Variants in ECPAS observed in about 807,000 individuals in gnomAD.
ECPAS encodes the protein proteasome adapter and scaffold protein ECM29.
A neutral mutation model predicts 255.1 loss-of-function variants in ECPAS; 70 were observed. That is an observed-to-expected ratio of 0.27 (90% CI 0.23 to 0.33). The LOEUF (loss-of-function observed/expected upper bound fraction) is 0.33. ECPAS is among the 10% of genes least tolerant of loss of function. ECPAS has a pLI of 1.00. For synonymous variants in ECPAS, 784 were observed against 775.0 expected (o/e 1.01, Z -0.19); for missense variants, 1,817 against 2,206.4 (o/e 0.82, Z 3.54).
At chr9:111,439,822 C>T (rs192970565) in intron 6 of ECPAS, among the ~76,000 whole-genome samples, 9 of 151,542 alleles carry the variant, frequency 5.9e-5, no homozygotes, top group Admixed American at 2.6e-4. Context: ...GAAGTGGAGC[C>T]GCTGGGAAAG....
intron 42 of ECPAS, among the ~76,000 whole-genome samples, chr9:111,372,074 G>A (rs542212434): frequency 2.3e-4 from 35 of 152,186 alleles, no homozygotes; most frequent in African/African-American, 7.9e-4. Context: ...ATTAATATGC[G>A]ACAAGGTGAA....
intron 28 of ECPAS, 53 bp downstream of exon 28, chr9:111,392,713 ATG>A: frequency 8.6e-7 from 1 of 1,164,244 alleles, no homozygotes; most frequent in Non-Finnish European, 1.3e-6. Flanking sequence ...TCTTCTCACT[ATG>A]TGTAGAGACT....
At position 111,375,185 on chromosome 9, in the gene ECPAS, A is replaced by G; in HGVS notation, c.4038T>C (p.Asp1346=). Residue 1346 remains aspartate, a synonymous_variant, in exon 38 of 50, where the codon GAT becomes GAC. Coordinates refer to ENST00000684092, the MANE Select transcript of ECPAS (RefSeq NM_001364929.1). ...ETINMCLQYL[D]VSVLGELVPR... Reference sequence around the variant, plus strand: ...GAACTAGCTCGCCCAGCACTGACACATCAAGGTATTGCAGGCACTTTTGAA... The same window carrying G: ...GAACTAGCTCGCCCAGCACTGACACGTCAAGGTATTGCAGGCACTTTTGAA... 6.2e-7 allele frequency: 1 copy of G among 1,613,694 alleles called. No individual in the cohort carries two copies. Among genetic ancestry groups the G allele is most frequent in the Middle Eastern group, 1.7e-4 (1 of 6,060 alleles).
chr9:111,398,963 A>G (rs1440361916), intron 24 of ECPAS, among the ~76,000 whole-genome samples: 2 of 152,152 alleles, frequency 1.3e-5, no homozygotes, highest in Non-Finnish European at 2.9e-5. Flanking sequence ...AATGAGACCT[A>G]CTACTCTTTG....
At chr9:111,446,636 C>T (rs989866878) in intron 3 of ECPAS, among the ~76,000 whole-genome samples, 1 of 152,112 alleles carries the variant, frequency 6.6e-6, no homozygotes, top group Non-Finnish European at 1.5e-5. Context: ...ATATTTATCA[C>T]AGTTTCTATG....
chr9:111,409,925 A>C lies in ECPAS; in HGVS notation c.2550+116T>G. On this transcript the variant is annotated intron_variant, in intron 23 of 49. Transcript: ENST00000684092. ...ACTTGCTTCTTTATCACCCATTTTTACATTAAATCCTTCCTCCAGCTGTAA... is the reference window on the plus strand; with the variant it reads ...ACTTGCTTCTTTATCACCCATTTTTCCATTAAATCCTTCCTCCAGCTGTAA... The C allele has an allele frequency of 5.2e-6, 4 of 772,322 alleles. No individual in the cohort carries two copies. The South Asian group carries it at 7.7e-5, about 15-fold the overall frequency. The allele number at this position is 772,322 out of a possible 1,614,324, so 47.8% of individuals were successfully genotyped here.
intron 2 of ECPAS, among the ~76,000 whole-genome samples, chr9:111,469,795 C>A (rs2098284576): frequency 6.6e-6 from 1 of 150,782 alleles, no homozygotes; most frequent in African/African-American, 2.4e-5. Flanking sequence ...AGTGACAGAG[C>A]GAGACTCTGT....
intron 7 of ECPAS, 104 bp from the exon 8 acceptor site, chr9:111,433,476 C>T (rs1478418870): frequency 8.2e-6 from 9 of 1,101,752 alleles, no homozygotes; most frequent in Non-Finnish European, 1.1e-5. Flanking sequence ...CAAAGATGAG[C>T]AGTAACAACA....
intron 44 of ECPAS, 42 bp from the exon 45 acceptor site, chr9:111,370,669 G>A: frequency 1.2e-6 from 2 of 1,605,056 alleles, no homozygotes; most frequent in Non-Finnish European, 1.7e-6. Flanking sequence ...AATAAAGGCT[G>A]CAGTTTTCGG....
intron 46 of ECPAS, among the ~76,000 whole-genome samples, chr9:111,368,294 A>C (rs2098123128): frequency 6.6e-6 from 1 of 152,182 alleles, no homozygotes; most frequent in Admixed American, 6.5e-5. Flanking sequence ...AATTGTCCAA[A>C]TAGTAATGAG....
At chr9:111,426,912 G>A (rs2098222530) in intron 10 of ECPAS, among the ~76,000 whole-genome samples, 1 of 152,154 alleles carries the variant, frequency 6.6e-6, no homozygotes, top group Non-Finnish European at 1.5e-5. Context: ...AGAGGCTGCA[G>A]TAAGCCTAGA....
intron 4 of ECPAS, among the ~76,000 whole-genome samples, chr9:111,443,780 G>A (rs1311392678): frequency 6.6e-6 from 1 of 152,074 alleles, no homozygotes; most frequent in African/African-American, 2.4e-5. Context: ...TTCTGCCTCA[G>A]TGCTAGGAAC....
At chr9:111,472,286 T>C (rs1332676399) in intron 2 of ECPAS, among the ~76,000 whole-genome samples, 3 of 152,076 alleles carry the variant, frequency 2.0e-5, no homozygotes, top group African/African-American at 4.8e-5. Flanking sequence ...AAAACCTCCA[T>C]GATGGCATTC....
chr9:111,457,502 G>A (rs1158107383), intron 2 of ECPAS, among the ~76,000 whole-genome samples: 1 of 152,142 alleles, frequency 6.6e-6, no homozygotes, highest in Admixed American at 6.5e-5. Context: ...GTAACAGGAG[G>A]GAAACAGGAA....
rs1472790651 is a variant in ECPAS, at chr9:111,484,266, C to T, written c.-233G>A. On this transcript the variant is annotated 5_prime_UTR_variant, in exon 1 of 50. Coordinates refer to ENST00000684092, the MANE Select transcript of ECPAS (RefSeq NM_001364929.1). ...GCCGAGCGGGCCCGGGCTGCCCTAG[C>T]GGCCGGGGGAAATCCTCGAGGCGGG... is the stretch of plus-strand genomic sequence containing the variant. 1.3e-6 allele frequency: 2 copies of T among 1,506,648 alleles called. No homozygotes were observed. Among genetic ancestry groups the T allele is most frequent in the Non-Finnish European group, 8.8e-7 (1 of 1,131,958 alleles). The allele number at this position is 1,506,648 out of a possible 1,614,324, so 93.3% of individuals were successfully genotyped here. A position where few individuals can be genotyped will look rare whatever the true frequency, so the allele number is the denominator to read the frequency against.
At chr9:111,473,474 T>G (rs2098292003) in intron 1 of ECPAS, among the ~76,000 whole-genome samples, 1 of 152,128 alleles carries the variant, frequency 6.6e-6, no homozygotes, top group Admixed American at 6.5e-5. Flanking sequence ...TTAGCACTCT[T>G]CATCTCCTTT....
At chr9:111,483,033 T>G (rs2098308805) in intron 1 of ECPAS, among the ~76,000 whole-genome samples, 1 of 152,222 alleles carries the variant, frequency 6.6e-6, no homozygotes, top group Admixed American at 6.5e-5. Context: ...TTCGTGACCT[T>G]TCGGCTGATT....
rs2098186667 is a variant in ECPAS, at chr9:111,407,438, AC to A, written c.2652+1132del. On this transcript the variant is annotated intron_variant, in intron 24 of 49. Coordinates refer to ENST00000684092, the MANE Select transcript of ECPAS (RefSeq NM_001364929.1). The stretch of plus-strand genomic sequence containing the variant: ...AAAAAAAAAAAAAAAAAAAAAAAAA[AC>A]CTAGAAGAAACCCACCTCACTCAGG... Among the ~76,000 whole-genome samples, 22 of 124,900 alleles carry A rather than the reference AC, an allele frequency of 1.8e-4. 1 individual carries two copies. Among genetic ancestry groups the A allele is most frequent in the African/African-American group, 6.5e-4 (18 of 27,504 alleles). 81.9% of individuals were successfully genotyped at this position (124,900 alleles called of 152,430 possible).
At chr9:111,384,467 A>C in intron 34 of ECPAS, 55 bp downstream of exon 34, 1 of 1,486,338 alleles carries the variant, frequency 6.7e-7, no homozygotes. Flanking sequence ...AATCATTGTC[A>C]TGGTCACCCA....
Sources: gnomAD v4.1 joint callset for allele counts (sites outside exome capture counted in the v4.1 genomes callset) on GRCh38, gnomAD v4.1.1 for gene constraint, MANE v1.5 for transcripts, NCBI Gene and HGNC (gene_info 2026-07-23, HGNC 2026-07-21) for gene names.